RAD51B: variants seen among roughly 807,000 people sequenced by gnomAD.
RAD51B encodes DNA repair protein RAD51 homolog 2.
Under a neutral mutation model 42.2 loss-of-function variants are expected in RAD51B, and 38 were observed. The observed-to-expected ratio is 0.90, with a 90% confidence interval of 0.70 to 1.18. The LOEUF (loss-of-function observed/expected upper bound fraction) is 1.18, where lower values mean the gene tolerates loss of function less well. RAD51B is among the 50% of genes most tolerant of loss of function. RAD51B has a pLI of 0.00. For missense variants in RAD51B, 373 were observed against 400.7 expected (o/e 0.93, Z 0.59); for synonymous variants, 154 against 145.2 (o/e 1.06, Z -0.43).
chr14:67,898,332 G>A (rs1197019979), intron 7 of RAD51B, among the ~76,000 whole-genome samples: 1 of 152,178 alleles, frequency 6.6e-6, no homozygotes, highest in African/African-American at 2.4e-5. Flanking sequence ...AGACAGAGAA[G>A]AACAAAGAAT....
chr14:68,332,168 A>G (rs559474358), intron 8 of RAD51B, among the ~76,000 whole-genome samples: 19 of 152,298 alleles, frequency 1.2e-4, no homozygotes, highest in African/African-American at 4.3e-4. Context: ...AAGATTCAGG[A>G]TATCAGATTC....
intron 7 of RAD51B, among the ~76,000 whole-genome samples, chr14:68,226,584 C>G (rs1159697722): frequency 6.6e-6 from 1 of 152,218 alleles, no homozygotes. Flanking sequence ...GCTCTCTTGC[C>G]TGGTGCCGTG....
intron 8 of RAD51B, among the ~76,000 whole-genome samples, chr14:68,402,026 TAG>T (rs1401092343): frequency 6.6e-6 from 1 of 152,206 alleles, no homozygotes; most frequent in Non-Finnish European, 1.5e-5. Flanking sequence ...TTGTCAATTT[TAG>T]AGACCCAAGG....
chr14:68,562,214 A>G (rs1889188805), intron 10 of RAD51B: 1 of 985,310 alleles, frequency 1.0e-6, no homozygotes, highest in African/African-American at 1.7e-5. Flanking sequence ...CTCACCAGAC[A>G]TTTGCAGCCC....
chr14:68,230,367 G>T (rs1211815984), intron 7 of RAD51B, among the ~76,000 whole-genome samples: 1 of 152,228 alleles, frequency 6.6e-6, no homozygotes, highest in East Asian at 1.9e-4. Flanking sequence ...TCACGTCAAG[G>T]CACCACCACT....
At chr14:67,930,819 A>G (rs192057928) in intron 7 of RAD51B, among the ~76,000 whole-genome samples, 1 of 149,704 alleles carries the variant, frequency 6.7e-6, no homozygotes, top group East Asian at 2.0e-4. Flanking sequence ...GATAATTTAT[A>G]TATTTGATTG....
intron 10 of RAD51B, among the ~76,000 whole-genome samples, chr14:68,522,962 T>C (rs1886683790): frequency 6.6e-6 from 1 of 152,362 alleles, no homozygotes; most frequent in Admixed American, 6.5e-5. Flanking sequence ...AGGCCTGGAA[T>C]GCATTTGATG....
chr14:68,184,514 G>C (rs1200008904), intron 7 of RAD51B, among the ~76,000 whole-genome samples: 1 of 151,326 alleles, frequency 6.6e-6, no homozygotes, highest in Non-Finnish European at 1.5e-5. Flanking sequence ...CAAAGTGCTG[G>C]GATTACAGGC....
intron 10 of RAD51B, among the ~76,000 whole-genome samples, chr14:68,589,806 C>T (rs540360128): frequency 9.2e-5 from 14 of 152,282 alleles, no homozygotes; most frequent in African/African-American, 3.4e-4. Context: ...GCAATTTGGA[C>T]TTTATTTTCT....
At chr14:68,225,950 C>T (rs1334716436) in intron 7 of RAD51B, among the ~76,000 whole-genome samples, 1 of 152,158 alleles carries the variant, frequency 6.6e-6, no homozygotes, top group East Asian at 1.9e-4. Flanking sequence ...TGTATATATT[C>T]TATTCCTTTC....
intron 7 of RAD51B, among the ~76,000 whole-genome samples, chr14:68,197,502 C>G (rs1159577578): frequency 6.6e-6 from 1 of 152,032 alleles, no homozygotes; most frequent in African/African-American, 2.4e-5. Flanking sequence ...TATGCTTATA[C>G]AAGTTCTGTT....
At chr14:68,328,503 A>G (rs1157477865) in intron 8 of RAD51B, among the ~76,000 whole-genome samples, 1 of 152,190 alleles carries the variant, frequency 6.6e-6, no homozygotes, top group African/African-American at 2.4e-5. Flanking sequence ...ATTCCTTGAC[A>G]GCCATGAGGA....
chr14:68,661,456 G>T lies in RAD51B; in HGVS notation c.*11+10600G>T, dbSNP rs1892930658. On this transcript the variant is annotated intron_variant, in intron 11 of 11. Transcript: ENST00000488612. ...GTTTGAGATCTTACAGCCAGAAGTG[G>T]CCCGGGGGAAATTCAATCCCAGATC... Among the ~76,000 whole-genome samples the T allele has an allele frequency of 2.0e-5, 3 of 152,142 alleles. No homozygotes were observed. In the South Asian group the frequency reaches 6.2e-4, roughly 32 times the overall value.
At chr14:68,446,731 A>G (rs1223192396) in intron 9 of RAD51B, among the ~76,000 whole-genome samples, 2 of 152,156 alleles carry the variant, frequency 1.3e-5, no homozygotes, top group African/African-American at 2.4e-5. Context: ...GATTGAGAGA[A>G]TGTTCCAGGT....
intron 10 of RAD51B, among the ~76,000 whole-genome samples, chr14:68,590,278 A>G (rs1281332632): frequency 6.6e-6 from 1 of 152,200 alleles, no homozygotes; most frequent in Non-Finnish European, 1.5e-5. Flanking sequence ...CATCTCTTCA[A>G]GCTCTGCCTG....
chr14:68,001,285 T>C (rs544607743), intron 7 of RAD51B, among the ~76,000 whole-genome samples: 2 of 152,296 alleles, frequency 1.3e-5, no homozygotes, highest in Admixed American at 6.5e-5. Context: ...CATACTTCTT[T>C]ATTCTTGAAT....
intron 7 of RAD51B, among the ~76,000 whole-genome samples, chr14:67,899,425 C>A (rs550887506): frequency 2.6e-5 from 4 of 152,094 alleles, no homozygotes; most frequent in Admixed American, 2.0e-4. Flanking sequence ...TAGATTATAG[C>A]TTTTTTAACC....
chr14:68,264,842 C>T (rs991971567), intron 7 of RAD51B, among the ~76,000 whole-genome samples: 22 of 152,232 alleles, frequency 1.4e-4, no homozygotes, highest in South Asian at 6.2e-4. Flanking sequence ...TACCGTTTCT[C>T]GTCTGCCTTT....
At chr14:68,008,303 A>C (rs548775567) in intron 7 of RAD51B, among the ~76,000 whole-genome samples, 88 of 152,070 alleles carry the variant, frequency 5.8e-4, no homozygotes, top group African/African-American at 2.1e-3. Flanking sequence ...ATATAGACAA[A>C]TTGATCTTCA....
Sources: gnomAD v4.1 joint callset for allele counts (sites outside exome capture counted in the v4.1 genomes callset) on GRCh38, gnomAD v4.1.1 for gene constraint, MANE v1.5 for transcripts, NCBI Gene and HGNC (gene_info 2026-07-23, HGNC 2026-07-21) for gene names.